UNC5C: variants seen among roughly 807,000 people sequenced by gnomAD.
UNC5C encodes netrin receptor UNC5C.
UNC5C carries 47 observed loss-of-function variants against 99.8 expected under a neutral mutation model. The ratio of observed to expected loss-of-function variants is 0.47; its 90% CI spans 0.37 to 0.60. The LOEUF (loss-of-function observed/expected upper bound fraction) is 0.60, where lower values mean the gene tolerates loss of function less well. UNC5C is among the 20% of genes least tolerant of loss of function. The pLI, the probability that UNC5C is intolerant of heterozygous loss-of-function variation, is 0.00. For missense variants in UNC5C, 1,062 were observed against 1,165.9 expected (o/e 0.91, Z 1.30); for synonymous variants, 487 against 452.2 (o/e 1.08, Z -0.98).
chr4:95,499,820 G>C (rs2149484036), intron 1 of UNC5C, among the ~76,000 whole-genome samples: 1 of 152,160 alleles, frequency 6.6e-6, no homozygotes, highest in Non-Finnish European at 1.5e-5. Context: ...ATATAAGATG[G>C]GAGCACTGGG....
At chr4:95,431,534 G>T (rs1578159785) in intron 1 of UNC5C, among the ~76,000 whole-genome samples, 8 of 151,598 alleles carry the variant, frequency 5.3e-5, no homozygotes, top group African/African-American at 1.9e-4. Context: ...AAAATAAGGG[G>T]TAAAGACTAA....
At chr4:95,404,132 A>G (rs1745772015) in intron 1 of UNC5C, among the ~76,000 whole-genome samples, 1 of 152,212 alleles carries the variant, frequency 6.6e-6, no homozygotes, top group Admixed American at 6.5e-5. Flanking sequence ...ACTGTATACA[A>G]TTCTTAAGCC....
At chr4:95,480,873 C>G (rs1721128813) in intron 1 of UNC5C, among the ~76,000 whole-genome samples, 1 of 151,688 alleles carries the variant, frequency 6.6e-6, no homozygotes, top group Non-Finnish European at 1.5e-5. Context: ...ATAATAAGAG[C>G]TATCTATGAC....
intron 12 of UNC5C, among the ~76,000 whole-genome samples, chr4:95,186,863 G>A (rs1310293686): frequency 2.0e-5 from 3 of 152,104 alleles, no homozygotes; most frequent in Non-Finnish European, 2.9e-5. Context: ...CACATATGTT[G>A]TGTCATTGTC....
At chr4:95,319,576 A>G (rs1038905981) in intron 2 of UNC5C, among the ~76,000 whole-genome samples, 10 of 152,176 alleles carry the variant, frequency 6.6e-5, no homozygotes, top group African/African-American at 2.4e-4. Context: ...AAAAGGTACT[A>G]TTTAGAGGAT....
intron 1 of UNC5C, among the ~76,000 whole-genome samples, chr4:95,337,384 A>G (rs898880012): frequency 6.6e-6 from 1 of 151,940 alleles, no homozygotes; most frequent in Non-Finnish European, 1.5e-5. Flanking sequence ...ATTGTATACT[A>G]CCTTACCTTA....
chr4:95,202,199 C>A (rs1246034350), intron 12 of UNC5C, among the ~76,000 whole-genome samples: 1 of 152,170 alleles, frequency 6.6e-6, no homozygotes, highest in Non-Finnish European at 1.5e-5. Flanking sequence ...TTCAAAGGCA[C>A]TTACTATATC....
intron 1 of UNC5C, among the ~76,000 whole-genome samples, chr4:95,355,115 C>T (rs555666312): frequency 5.9e-5 from 9 of 152,142 alleles, no homozygotes; most frequent in African/African-American, 2.2e-4. Context: ...ATTCCACAGA[C>T]CTAGTTTTAA....
chr4:95,333,047 C>T (rs940775933), intron 2 of UNC5C, among the ~76,000 whole-genome samples: 1 of 152,090 alleles, frequency 6.6e-6, no homozygotes. Context: ...GTTAGAATGG[C>T]AATCATTAAA....
chr4:95,514,096 CCACAGT>C (rs1212460551), intron 1 of UNC5C, among the ~76,000 whole-genome samples: 1 of 152,106 alleles, frequency 6.6e-6, no homozygotes, highest in Non-Finnish European at 1.5e-5. Context: ...GTTGTCATTT[CCACAGT>C]AACATTTTCC....
In UNC5C at chr4:95,219,319, T is replaced by C; in HGVS notation, c.1301-6A>G. The C allele has an allele frequency of 6.2e-7, 1 of 1,609,366 alleles. No individual in the cohort carries two copies. On this transcript the variant is annotated splice_region_variant and splice_polypyrimidine_tract_variant and intron_variant, in intron 8 of 15. Coordinates refer to ENST00000453304, the MANE Select transcript of UNC5C (RefSeq NM_003728.4). ...TGGGGGTACAGCCAGCAGATCTGAG[T>C]CAGAAAGAGAAAATAATCCCATTGG...
intron 1 of UNC5C, among the ~76,000 whole-genome samples, chr4:95,489,466 G>A (rs1560482267): frequency 6.6e-6 from 1 of 151,604 alleles, no homozygotes; most frequent in Non-Finnish European, 1.5e-5. Context: ...ATAGAGATGA[G>A]GTATTAGAAG....
chr4:95,497,042 G>A (rs1194052488), intron 1 of UNC5C, among the ~76,000 whole-genome samples: 1 of 151,886 alleles, frequency 6.6e-6, no homozygotes, highest in Non-Finnish European at 1.5e-5. Context: ...GTATTCCATG[G>A]TATATACATA....
intron 4 of UNC5C, among the ~76,000 whole-genome samples, chr4:95,253,178 A>T (rs1739806872): frequency 6.6e-6 from 1 of 152,036 alleles, no homozygotes; most frequent in African/African-American, 2.4e-5. Flanking sequence ...AAAACTACTC[A>T]CATTCATACC....
chr4:95,477,908 G>A (rs1194377538), intron 1 of UNC5C, among the ~76,000 whole-genome samples: 1 of 151,984 alleles, frequency 6.6e-6, no homozygotes, highest in Admixed American at 6.6e-5. Context: ...AACCAAATGA[G>A]GTAGCCTGTC....
At chr4:95,233,963 T>C (rs1019681709) in intron 7 of UNC5C, among the ~76,000 whole-genome samples, 1 of 152,008 alleles carries the variant, frequency 6.6e-6, no homozygotes, top group South Asian at 2.1e-4. Flanking sequence ...AAGAAAAGAT[T>C]ATAAAAGTTA....
intron 1 of UNC5C, among the ~76,000 whole-genome samples, chr4:95,341,714 G>A (rs1369542278): frequency 1.3e-5 from 2 of 152,046 alleles, no homozygotes; most frequent in Non-Finnish European, 2.9e-5. Context: ...AGTGATCACA[G>A]TACCTGGTTT....
intron 1 of UNC5C, among the ~76,000 whole-genome samples, chr4:95,341,369 G>C (rs2626055): frequency 6.6e-6 from 1 of 151,570 alleles, no homozygotes; most frequent in African/African-American, 2.4e-5. Flanking sequence ...ATAAGAAAGT[G>C]GATTTGTACG....
At chr4:95,482,041 G>A (rs1453569423) in intron 1 of UNC5C, among the ~76,000 whole-genome samples, 1 of 152,106 alleles carries the variant, frequency 6.6e-6, no homozygotes, top group Non-Finnish European at 1.5e-5. Context: ...CTTCTGCACA[G>A]CAAAGAAACT....
Sources: gnomAD v4.1 joint callset for allele counts (sites outside exome capture counted in the v4.1 genomes callset) on GRCh38, gnomAD v4.1.1 for gene constraint, MANE v1.5 for transcripts, NCBI Gene and HGNC (gene_info 2026-07-23, HGNC 2026-07-21) for gene names.